The following SPEF2 variants were observed in gnomAD, a reference collection of about 807,000 sequenced individuals.
SPEF2 encodes sperm flagella and cilia-associated protein 2.
In SPEF2, 187 loss-of-function variants were observed where a neutral mutation model predicts 224.6. The observed-to-expected ratio is 0.83, with a 90% confidence interval of 0.74 to 0.94. The LOEUF is 0.94. Ranked by LOEUF, SPEF2 falls within the 40% of genes least tolerant of loss-of-function variation. The pLI is 0.00. For synonymous variants in SPEF2, 715 were observed against 707.3 expected (o/e 1.01, Z -0.17); for missense variants, 2,170 against 2,135.6 (o/e 1.02, Z -0.32).
At chr5:35,631,866 C>T (rs1432557307) in intron 2 of SPEF2, among the ~76,000 whole-genome samples, 1 of 152,110 alleles carries the variant, frequency 6.6e-6, no homozygotes, top group Non-Finnish European at 1.5e-5. Flanking sequence ...AATATGCAGG[C>T]ATTGTATTAG....
intron 28 of SPEF2, among the ~76,000 whole-genome samples, chr5:35,774,693 A>G (rs1753362035): frequency 6.6e-6 from 1 of 152,226 alleles, no homozygotes; most frequent in Non-Finnish European, 1.5e-5. Context: ...ATACAAGATG[A>G]CAAAACCACA....
intron 10 of SPEF2, among the ~76,000 whole-genome samples, 190 bp from the exon 11 acceptor site, chr5:35,690,847 T>C (rs1243672553): frequency 6.6e-6 from 1 of 152,156 alleles, no homozygotes; most frequent in Non-Finnish European, 1.5e-5. Context: ...TTTGCTTTTA[T>C]GTAGAAAGCA....
At chr5:35,811,944 C>G (rs1408169540) in intron 36 of SPEF2, among the ~76,000 whole-genome samples, 1 of 151,678 alleles carries the variant, frequency 6.6e-6, no homozygotes, top group Non-Finnish European at 1.5e-5. Flanking sequence ...GCCACCACGC[C>G]CGACTAATTT....
intron 10 of SPEF2, among the ~76,000 whole-genome samples, chr5:35,690,617 G>A (rs889443422): frequency 2.6e-5 from 4 of 151,878 alleles, no homozygotes; most frequent in Admixed American, 6.6e-5. Flanking sequence ...AGTTAAACAC[G>A]GTAGACTTAG....
chr5:35,708,388 A>T (rs987470227), intron 18 of SPEF2, among the ~76,000 whole-genome samples: 6 of 151,914 alleles, frequency 3.9e-5, no homozygotes, highest in African/African-American at 1.5e-4. Context: ...TTCCCACTGG[A>T]CGTTTTCAAA....
chr5:35,813,481 A>T (rs886724223), intron 36 of SPEF2, among the ~76,000 whole-genome samples: 3 of 152,074 alleles, frequency 2.0e-5, no homozygotes, highest in African/African-American at 7.2e-5. Context: ...GACAGAGCGA[A>T]ACTCTATTTC....
chr5:35,669,913 A>T, intron 9 of SPEF2, 146 bp from the exon 10 acceptor site: 1 of 622,560 alleles, frequency 1.6e-6, no homozygotes, highest in Non-Finnish European at 2.7e-6. Context: ...GTCATTGCAC[A>T]TATGGTAACC....
chr5:35,719,396 CT>C (rs1435898044), intron 20 of SPEF2, among the ~76,000 whole-genome samples: 1 of 152,124 alleles, frequency 6.6e-6, no homozygotes, highest in Non-Finnish European at 1.5e-5. Flanking sequence ...TAGTCTTATA[CT>C]TGGCCTGATT....
chr5:35,666,935 T>C, intron 8 of SPEF2, 137 bp from the exon 9 acceptor site: 1 of 704,164 alleles, frequency 1.4e-6, no homozygotes, highest in Non-Finnish European at 2.3e-6. Context: ...GAAAAAAGTG[T>C]TCATTCATGA....
Position 35,713,763 on chromosome 5 carries a change from ATATATAGTATATATATTATATATAGTGT to A in SPEF2, c.2914+884_2914+911del, listed in dbSNP as rs1561246694. On this transcript the variant is annotated intron_variant, in intron 20 of 36. Transcript: ENST00000356031. ...TATATATATATTTTATATATATTTT[ATATATAGTATATATATTATATATAGTGT>A]TATATATTTTATATATAGTATATAT... Among the ~76,000 whole-genome samples, 160 of 128,490 alleles carry A rather than the reference ATATATAGTATATATATTATATATAGTGT, an allele frequency of 1.2e-3. 13 individuals are homozygous for A. In the East Asian group the frequency reaches 0.016, roughly 13 times the overall value. 84.3% of individuals were successfully genotyped at this position (128,490 alleles called of 152,430 possible).
rs759829190 is a variant in SPEF2, at chr5:35,814,589, A to G, written c.*36A>G. ...GTGTGATTTTTTTAATTCTGCAATA[A>G]ATCTTCCAAAAATTAAATGTGACCA... On this transcript the variant is annotated 3_prime_UTR_variant, in exon 37 of 37. Coordinates refer to ENST00000356031, the MANE Select transcript of SPEF2 (RefSeq NM_024867.4). The G allele has an allele frequency of 7.2e-7, 1 of 1,389,570 alleles. No individual in the cohort carries two copies. Among genetic ancestry groups the G allele is most frequent in the South Asian group, 1.3e-5 (1 of 78,290 alleles). 86.1% of individuals were successfully genotyped at this position (1,389,570 alleles called of 1,614,324 possible).
chr5:35,707,943 C>T (rs1267044304), intron 18 of SPEF2, among the ~76,000 whole-genome samples: 1 of 152,116 alleles, frequency 6.6e-6, no homozygotes, highest in Non-Finnish European at 1.5e-5. Flanking sequence ...TTTTCCATAG[C>T]ACTTATCACC....
intron 20 of SPEF2, among the ~76,000 whole-genome samples, chr5:35,725,967 C>T (rs1284863650): frequency 6.6e-6 from 1 of 152,168 alleles, no homozygotes; most frequent in African/African-American, 2.4e-5. Flanking sequence ...AATGATCCAA[C>T]TCTACAAGTG....
chr5:35,756,855 TTTTCTA>T (rs543738292), intron 24 of SPEF2, among the ~76,000 whole-genome samples: 3 of 152,098 alleles, frequency 2.0e-5, no homozygotes, highest in Non-Finnish European at 2.9e-5. Context: ...AGGAAATCCT[TTTTCTA>T]TTTCTATTTC....
chr5:35,689,303 C>A (rs1461245498), intron 10 of SPEF2, among the ~76,000 whole-genome samples: 1 of 152,096 alleles, frequency 6.6e-6, no homozygotes, highest in African/African-American at 2.4e-5. Context: ...CTAACATTTT[C>A]TTTTTCTTCC....
chr5:35,618,092 C>T, intron 1 of SPEF2, 37 bp downstream of exon 1: 6 of 1,561,036 alleles, frequency 3.8e-6, no homozygotes, highest in Non-Finnish European at 5.2e-6. Flanking sequence ...GTCTGAGGGG[C>T]TAGCGGGGCG....
chr5:35,667,064 C>T lies in SPEF2; in HGVS notation c.1168-8C>T. The T allele has an allele frequency of 1.9e-6, 3 of 1,583,018 alleles. No individual in the cohort carries two copies. Among genetic ancestry groups the T allele is most frequent in the Non-Finnish European group, 2.6e-6 (3 of 1,170,650 alleles). On this transcript the variant is annotated splice_polypyrimidine_tract_variant and splice_region_variant and intron_variant, in intron 8 of 36. Transcript: ENST00000356031. The stretch of plus-strand genomic sequence containing the variant: ...TAGTGACTTAAAAATATGTTTTTGC[C>T]TTTTTAGGCTTTGGCAAAACAAGCC...
At position 35,779,299 on chromosome 5, in the gene SPEF2, AACAGCTTG is replaced by A. The variant is rs757266224; in HGVS notation, c.4405_4412del (p.Leu1469SerfsTer11). 1.2e-6 allele frequency: 2 copies of A among 1,613,812 alleles called. No homozygotes were observed. The highest frequency in any genetic ancestry group is 1.7e-6 in the Non-Finnish European group (2 of 1,179,838). On this transcript the variant is annotated frameshift_variant, in exon 30 of 37. Transcript: ENST00000356031. LOFTEE classifies it high-confidence loss of function. ...GAAGAAGATGGTACCCTGACCATTG[AACAGCTTG>A]ACAGTCTTCGAGATCAGTTCTTAGA...
Position 35,740,145 on chromosome 5 carries a change from T to C in SPEF2, c.3208T>C (p.Phe1070Leu). Residue 1070 changes from phenylalanine to leucine, a missense_variant, in exon 23 of 37, where the codon TTT becomes CTT. Phe to Leu is a conservative substitution (Grantham distance 22). Coordinates refer to ENST00000356031, the MANE Select transcript of SPEF2 (RefSeq NM_024867.4). ...TGTCTACAGAACAAGTTTCCAGGAG[T>C]TTCTAAAGCGTCCGGATCACAAGCA... ...LYEIRTSFQE[F>L]LKRPDHKQDF... The C allele has an allele frequency of 6.2e-7, 1 of 1,613,914 alleles. No homozygotes were observed. The highest frequency in any genetic ancestry group is 8.5e-7 in the Non-Finnish European group (1 of 1,179,980).
Sources: gnomAD v4.1 joint callset for allele counts (sites outside exome capture counted in the v4.1 genomes callset) on GRCh38, gnomAD v4.1.1 for gene constraint, MANE v1.5 for transcripts, NCBI Gene and HGNC (gene_info 2026-07-23, HGNC 2026-07-21) for gene names.